ITGA1: variants seen among roughly 807,000 people sequenced by gnomAD.
The protein encoded by ITGA1 is integrin subunit alpha 1, also known as integrin alpha-1.
In ITGA1, 85 loss-of-function variants were observed where a neutral mutation model predicts 145.9. The ratio of observed to expected loss-of-function variants is 0.58; its 90% CI spans 0.49 to 0.70. ITGA1 has a LOEUF of 0.70. Among genes scored for constraint, ITGA1 ranks in the 30% least tolerant of loss-of-function variants. ITGA1 has a pLI of 0.00. For synonymous variants in ITGA1, 520 were observed against 495.3 expected, an observed-to-expected ratio of 1.05 and a Z score of -0.66; for missense variants, 1,351 against 1,418.7, an observed-to-expected ratio of 0.95 and a Z score of 0.77.
chr5:52,898,991 A>G (rs1287246472), intron 11 of ITGA1, among the ~76,000 whole-genome samples: 1 of 152,124 alleles, frequency 6.6e-6, no homozygotes, highest in East Asian at 1.9e-4. Flanking sequence ...TACCAAGCTG[A>G]GCAACACCTG....
At chr5:52,878,998 G>A (rs943777956) in intron 6 of ITGA1, among the ~76,000 whole-genome samples, 4 of 151,594 alleles carry the variant, frequency 2.6e-5, no homozygotes, top group African/African-American at 9.7e-5. Flanking sequence ...TAATGAATTA[G>A]TTGGAGGTCT....
intron 1 of ITGA1, among the ~76,000 whole-genome samples, chr5:52,820,157 A>G (rs1215037327): frequency 6.6e-6 from 1 of 152,008 alleles, no homozygotes; most frequent in African/African-American, 2.4e-5. Context: ...ATGAACTTTA[A>G]TGTGGCACAT....
At chr5:52,837,127 G>A (rs931042278) in intron 1 of ITGA1, among the ~76,000 whole-genome samples, 9 of 152,076 alleles carry the variant, frequency 5.9e-5, no homozygotes, top group African/African-American at 1.9e-4. Flanking sequence ...AGAACCAATT[G>A]GGAAATGACA....
chr5:52,931,679 G>GT (rs1750895607), intron 21 of ITGA1: 1 of 160,568 alleles, frequency 6.2e-6, no homozygotes. Flanking sequence ...CAGATATGTG[G>GT]TTAAAAACAG....
intron 1 of ITGA1, chr5:52,801,694 G>A: frequency 6.2e-7 from 1 of 1,614,202 alleles, no homozygotes; most frequent in Non-Finnish European, 8.5e-7. Context: ...CAGTGTGAAA[G>A]AGAATGCAGG....
intron 1 of ITGA1, among the ~76,000 whole-genome samples, chr5:52,813,364 C>A (rs1431256466): frequency 6.6e-6 from 1 of 152,180 alleles, no homozygotes; most frequent in Non-Finnish European, 1.5e-5. Context: ...TTTGAATCTC[C>A]TTAACTGCTC....
At position 52,915,475 on chromosome 5, in the gene ITGA1, A is replaced by G; in HGVS notation, c.1869A>G (p.Ser623=). 6.2e-7 allele frequency: 1 copy of G among 1,613,896 alleles called. No homozygotes were observed. Among genetic ancestry groups the G allele is most frequent in the Non-Finnish European group, 8.5e-7 (1 of 1,179,876 alleles). The part of the protein sequence containing the change: ...IRKEYAQRIP[S]GGDGKTLKFF... ...TTGGATTCTCACAGCGTATTCCATC[A>G]GGTGGGGATGGTAAGACACTGAAAT... Residue 623 remains serine, a synonymous_variant, in exon 15 of 29, where the codon TCA becomes TCG. Transcript: ENST00000282588.
intron 7 of ITGA1, among the ~76,000 whole-genome samples, chr5:52,883,873 G>C (rs1750004601): frequency 6.6e-6 from 1 of 152,140 alleles, no homozygotes; most frequent in South Asian, 2.1e-4. Context: ...GTGTACTCAG[G>C]AGTTCTGTCA....
chr5:52,826,836 T>C (rs1421981117), intron 1 of ITGA1, among the ~76,000 whole-genome samples: 1 of 152,232 alleles, frequency 6.6e-6, no homozygotes, highest in Admixed American at 6.5e-5. Flanking sequence ...TTACTGCTCA[T>C]TGGTGATATA....
chr5:52,907,165 A>G (rs1446241503), intron 12 of ITGA1, among the ~76,000 whole-genome samples: 3 of 152,200 alleles, frequency 2.0e-5, no homozygotes, highest in Non-Finnish European at 2.9e-5. Context: ...TCCCAGGGCA[A>G]CAGAGTTAGA....
rs1330952900 is a variant in ITGA1 at position 52,944,979 on chromosome 5, G to A, written c.3322G>A (p.Glu1108Lys). The change falls in exon 27 of 29, where the codon GAA (glutamate) becomes AAA (lysine). Residue 1108 changes from glutamate (E) to lysine (K), a missense_variant. Glu to Lys is a moderately conservative substitution (Grantham distance 56). Transcript: ENST00000282588. ...CAGCTTAAATCTTACTATAAGGGGAGAACTTCGGAGTGAAAATGCATCTCT... is the reference window on the plus strand; with the variant it reads ...CAGCTTAAATCTTACTATAAGGGGAAAACTTCGGAGTGAAAATGCATCTCT... ...FSSLNLTIRGELRSENASLVL... is the reference protein window; with the variant it reads ...FSSLNLTIRGKLRSENASLVL... 6 of 1,613,112 alleles carry A rather than the reference G, an allele frequency of 3.7e-6. No homozygotes were observed. The highest frequency in any genetic ancestry group is 4.2e-6 in the Non-Finnish European group (5 of 1,179,642).
At chr5:52,821,591 C>T (rs2111705067) in intron 1 of ITGA1, among the ~76,000 whole-genome samples, 1 of 152,286 alleles carries the variant, frequency 6.6e-6, no homozygotes, top group South Asian at 2.1e-4. Flanking sequence ...GAGTTGGACA[C>T]AGTAAGCATA....
At chr5:52,818,563 G>C (rs959211336) in intron 1 of ITGA1, among the ~76,000 whole-genome samples, 12 of 152,272 alleles carry the variant, frequency 7.9e-5, no homozygotes, top group Non-Finnish European at 1.6e-4. Context: ...ACTATTTCCC[G>C]CATTCACCTT....
At chr5:52,813,241 C>A (rs542959513) in intron 1 of ITGA1, among the ~76,000 whole-genome samples, 1 of 152,164 alleles carries the variant, frequency 6.6e-6, no homozygotes, top group African/African-American at 2.4e-5. Context: ...CAGCCATGAC[C>A]CTCATTAAAC....
intron 1 of ITGA1, among the ~76,000 whole-genome samples, chr5:52,842,687 CTT>C (rs34210679): frequency 1.3e-3 from 147 of 117,588 alleles, no homozygotes; most frequent in African/African-American, 2.3e-3. Flanking sequence ...GGAGCATCAT[CTT>C]TTTTTTTTTT....
chr5:52,928,437 C>T (rs1366719166), intron 20 of ITGA1, among the ~76,000 whole-genome samples: 2 of 152,158 alleles, frequency 1.3e-5, no homozygotes, highest in East Asian at 3.8e-4. Context: ...ATATAATTCA[C>T]GTAGCATGGA....
intron 21 of ITGA1, 115 bp downstream of exon 21, chr5:52,929,816 A>T: frequency 1.8e-6 from 1 of 547,512 alleles, no homozygotes; most frequent in Non-Finnish European, 3.2e-6. Flanking sequence ...GTAGGAGATC[A>T]GTAGAAGTGG....
intron 1 of ITGA1, among the ~76,000 whole-genome samples, chr5:52,837,272 A>T (rs1338800655): frequency 6.6e-6 from 1 of 152,190 alleles, no homozygotes; most frequent in Admixed American, 6.5e-5. Flanking sequence ...TTCTTAACGT[A>T]GGCAGGCTCA....
intron 24 of ITGA1, 45 bp downstream of exon 24, chr5:52,937,559 T>C (rs765552179): frequency 6.1e-5 from 72 of 1,185,302 alleles, no homozygotes; most frequent in Non-Finnish European, 8.4e-5. Flanking sequence ...TGTTATCTTT[T>C]CCACTTTATG....
Sources: gnomAD v4.1 joint callset for allele counts (sites outside exome capture counted in the v4.1 genomes callset) on GRCh38, gnomAD v4.1.1 for gene constraint, MANE v1.5 for transcripts, NCBI Gene and HGNC (gene_info 2026-07-23, HGNC 2026-07-21) for gene names.